The following TPPP2 variants were observed in gnomAD, a reference collection of about 807,000 sequenced individuals.
The protein encoded by TPPP2 is tubulin polymerization promoting protein family member 2, also known as tubulin polymerization-promoting protein family member 2.
In TPPP2, 8 loss-of-function variants were observed where a neutral mutation model predicts 13.0. The observed-to-expected ratio is 0.62, with a 90% CI of 0.36 to 1.11. The LOEUF is 1.11. Ranked by LOEUF, TPPP2 falls within the 50% of genes most tolerant of loss-of-function variation. The pLI is 0.02. For synonymous variants in TPPP2, 81 were observed against 81.8 expected, an observed-to-expected ratio of 0.99 and a Z score of 0.05; for missense variants, 213 against 216.9, an observed-to-expected ratio of 0.98 and a Z score of 0.11.
At chr14:21,034,141 C>T (rs766963017), downstream of TPPP2, 1 of 1,614,106 alleles carries the variant, frequency 6.2e-7, no homozygotes, top group South Asian at 1.1e-5. Context: ...TTACAATAGC[C>T]CCGGAAACCC....
upstream of TPPP2, chr14:21,025,757 G>T (rs2139050799): frequency 2.1e-6 from 2 of 942,968 alleles, no homozygotes; most frequent in African/African-American, 3.5e-5. This position sits in a 1 kb window ranked among gnomAD's most constrained non-coding sequence, Gnocchi z 5.1. Flanking sequence ...GGAGGTGGGG[G>T]CGGGGAATGC....
downstream of TPPP2, among the ~76,000 whole-genome samples, chr14:21,035,395 T>C (rs919445396): frequency 5.3e-5 from 8 of 152,222 alleles, no homozygotes; most frequent in Non-Finnish European, 1.2e-4. Flanking sequence ...TGGTTTGCCA[T>C]GCTGGGGAAA....
downstream of TPPP2, among the ~76,000 whole-genome samples, chr14:21,035,050 C>G (rs577583065): frequency 6.6e-6 from 1 of 152,280 alleles, no homozygotes; most frequent in South Asian, 2.1e-4. Flanking sequence ...TATTCCTGAC[C>G]CTCAGAGAAC....
rs760142933 is a variant in TPPP2 at position 21,031,873 on chromosome 14, A to T, written c.328-19A>T. The T allele has an allele frequency of 9.3e-6, 15 of 1,610,024 alleles. No individual in the cohort carries two copies. In the South Asian group the frequency reaches 1.7e-4, roughly 18 times the overall value. The stretch of plus-strand genomic sequence containing the variant: ...GCGTAAGGAAAGGAAGAGAGCTCAA[A>T]TCCATCCCTGGCTTGCAGAAAGCAA... On this transcript the variant is annotated intron_variant, in intron 3 of 3. Transcript: ENST00000321760.
At chr14:21,035,992 T>G (rs975623724), downstream of TPPP2, 1 of 382,650 alleles carries the variant, frequency 2.6e-6, no homozygotes, top group African/African-American at 2.1e-5. Context: ...GAAAGCTTCC[T>G]TGTTTCATCT....
chr14:21,030,382 G>T, intron 1 of TPPP2, 78 bp downstream of exon 1: 1 of 591,392 alleles, frequency 1.7e-6, no homozygotes. Flanking sequence ...GCTGGGAATG[G>T]GAGACTCATG....
upstream of TPPP2, among the ~76,000 whole-genome samples, chr14:21,029,912 A>G (rs1183545318): frequency 1.3e-5 from 2 of 152,118 alleles, no homozygotes; most frequent in Non-Finnish European, 2.9e-5. Flanking sequence ...ACCCAGTTTG[A>G]TATTTTGTTC....
In TPPP2 at chr14:21,025,214, GA is replaced by G; in HGVS notation, n.236+873del. On this transcript the variant is annotated intron_variant and non_coding_transcript_variant, in intron 1 of 1. Coordinates refer to the TPPP2 transcript ENST00000533755. The surrounding 1 kb of genome is among the most constrained non-coding windows in gnomAD (Gnocchi z 5.1). ...TCACCCCGCCCAGACTGCCGCTCAG[GA>G]AAGGGTTGTGCTGGGGCCGGGGGGC... 1 of 865,712 alleles carries G rather than the reference GA, an allele frequency of 1.2e-6. No individual in the cohort carries two copies. Among genetic ancestry groups the G allele is most frequent in the Non-Finnish European group, 1.4e-6 (1 of 720,746 alleles). 53.6% of individuals were successfully genotyped at this position (865,712 alleles called of 1,614,324 possible).
Position 21,030,535 on chromosome 14 carries a change from A to T in TPPP2, c.-47A>T. On this transcript the variant is annotated 5_prime_UTR_variant, in exon 2 of 4. Transcript: ENST00000321760. Reference sequence around the variant, plus strand: ...CAGTCCTCCCTCCCCCTTCTCCTTCACCCCCAAGTGTCTCCCACGACTGCC... The same window carrying T: ...CAGTCCTCCCTCCCCCTTCTCCTTCTCCCCCAAGTGTCTCCCACGACTGCC... The T allele has an allele frequency of 6.3e-7, 1 of 1,578,776 alleles. No homozygotes were observed. Among genetic ancestry groups the T allele is most frequent in the South Asian group, 1.2e-5 (1 of 85,970 alleles).
chr14:21,032,587 A>G lies in TPPP2; in HGVS notation c.*510A>G, dbSNP rs1036487394. ...AGCCAGCTAAGGTTGCCTGACTTCT[A>G]TTACAAATTTGTTCCAGAGCTGGGG... On this transcript the variant is annotated 3_prime_UTR_variant, in exon 4 of 4. Transcript: ENST00000321760. The G allele has an allele frequency of 1.4e-5, 5 of 344,882 alleles. No individual in the cohort carries two copies. The highest frequency in any genetic ancestry group is 2.3e-5 in the Non-Finnish European group (4 of 176,850). 21.4% of individuals were successfully genotyped at this position (344,882 alleles called of 1,614,324 possible).
intron 1 of TPPP2, chr14:21,024,359 C>G (rs1305728476): frequency 1.0e-6 from 1 of 957,900 alleles, no homozygotes; most frequent in Non-Finnish European, 1.2e-6. Flanking sequence ...GAGGGTGGCC[C>G]TGTCAGAACC....
upstream of TPPP2, among the ~76,000 whole-genome samples, chr14:21,026,358 G>C (rs569302985): frequency 3.0e-5 from 4 of 135,242 alleles, no homozygotes; most frequent in South Asian, 7.0e-4. Context: ...CCTTCAGACT[G>C]GTTCCTGAGT....
At chr14:21,026,716 C>G (rs1365975539), upstream of TPPP2, among the ~76,000 whole-genome samples, 7 of 152,074 alleles carry the variant, frequency 4.6e-5, no homozygotes, top group Non-Finnish European at 2.9e-5. Context: ...TTGGAGCACC[C>G]AACTTTTCTT....
At chr14:21,026,898 G>A (rs1163266828), upstream of TPPP2, among the ~76,000 whole-genome samples, 1 of 152,188 alleles carries the variant, frequency 6.6e-6, no homozygotes, top group Non-Finnish European at 1.5e-5. Flanking sequence ...GCGCAAGACA[G>A]GAGAGATCTC....
intron 2 of TPPP2, 103 bp from the exon 3 acceptor site, chr14:21,030,909 T>C (rs1884056793): frequency 2.0e-6 from 3 of 1,523,690 alleles, no homozygotes; most frequent in Non-Finnish European, 8.9e-7. Flanking sequence ...CACTCACTGA[T>C]TGATAGGACA....
chr14:21,026,563 C>T (rs1206663848), upstream of TPPP2, among the ~76,000 whole-genome samples: 17 of 151,466 alleles, frequency 1.1e-4, no homozygotes, highest in Admixed American at 6.6e-5. Flanking sequence ...CATCAATGCC[C>T]CTTTCATCCC....
chr14:21,025,485 C>G (rs1002386495), upstream of TPPP2: 1 of 985,444 alleles, frequency 1.0e-6, no homozygotes, highest in Non-Finnish European at 1.2e-6. This position sits in a 1 kb window ranked among gnomAD's most constrained non-coding sequence, Gnocchi z 5.1. Flanking sequence ...GATACTGACA[C>G]CCCACGAGTT....
downstream of TPPP2, chr14:21,033,835 G>A: frequency 6.2e-7 from 1 of 1,610,974 alleles, no homozygotes; most frequent in Non-Finnish European, 8.5e-7. Flanking sequence ...CCCGAATAGA[G>A]ACCAGCGATA....
chr14:21,028,182 G>A (rs1297312984), upstream of TPPP2, among the ~76,000 whole-genome samples: 6 of 152,052 alleles, frequency 3.9e-5, no homozygotes, highest in Non-Finnish European at 8.8e-5. Flanking sequence ...TAGCAATTAG[G>A]CCATATGACC....
Sources: allele counts gnomAD v4.1 joint callset (sites outside exome capture counted in the v4.1 genomes callset), GRCh38; gene constraint gnomAD v4.1.1; non-coding constraint Gnocchi (gnomAD v3.1); transcripts MANE v1.5; gene names NCBI Gene and HGNC (gene_info 2026-07-23, HGNC 2026-07-21).